The following NCOR2 variants were observed in gnomAD, a reference collection of about 807,000 sequenced individuals.
The protein encoded by NCOR2 is CTG repeat protein 26.
NCOR2 carries 81 observed loss-of-function variants against 262.9 expected under a neutral mutation model. The observed-to-expected ratio is 0.31, with a 90% CI of 0.26 to 0.37. The LOEUF is 0.37. Among genes scored for constraint, NCOR2 ranks in the 10% least tolerant of loss-of-function variants. The pLI, the probability that NCOR2 is intolerant of heterozygous loss-of-function variation, is 1.00. For missense variants in NCOR2, 3,385 were observed against 3,621.4 expected (o/e 0.93, Z 1.68); for synonymous variants, 1,659 against 1,559.3 (o/e 1.06, Z -1.51).
intron 1 of NCOR2, among the ~76,000 whole-genome samples, chr12:124,554,807 G>A (rs1268519692): frequency 6.6e-6 from 1 of 152,264 alleles, no homozygotes; most frequent in Non-Finnish European, 1.5e-5. Flanking sequence ...CGCTACAGCT[G>A]CTATTTATAG....
At chr12:124,354,022 G>A (rs941193894) in intron 27 of NCOR2, 71 bp downstream of exon 29, 107 of 1,360,656 alleles carry the variant, frequency 7.9e-5, no homozygotes, top group Non-Finnish European at 9.9e-5. Flanking sequence ...TGGTGACAAT[G>A]AGGGGTTATA....
chr12:124,334,228 T>C (rs1400798934), intron 41 of NCOR2, 196 bp downstream of exon 43: 1 of 510,332 alleles, frequency 2.0e-6, no homozygotes, highest in South Asian at 2.7e-5. Flanking sequence ...GAGCACAGCA[T>C]GTACTTTCAT....
intron 16 of NCOR2, 54 bp from the exon 19 acceptor site, chr12:124,385,941 G>T: frequency 6.3e-7 from 1 of 1,579,482 alleles, no homozygotes; most frequent in Middle Eastern, 1.7e-4. Flanking sequence ...ACGCAGAGGG[G>T]GCCTGCATCC....
intron 7 of NCOR2, among the ~76,000 whole-genome samples, chr12:124,448,602 C>A (rs1474954717): frequency 6.6e-6 from 1 of 152,080 alleles, no homozygotes; most frequent in Admixed American, 6.5e-5. Flanking sequence ...AGGCCAAGGG[C>A]CTCAACTAGC....
At chr12:124,534,484 C>T (rs2051015618) in intron 1 of NCOR2, among the ~76,000 whole-genome samples, 1 of 151,712 alleles carries the variant, frequency 6.6e-6, no homozygotes, top group Non-Finnish European at 1.5e-5. Flanking sequence ...GTATTATAAT[C>T]TTATGGGACC....
chr12:124,368,173 G>C (rs1231374281), intron 20 of NCOR2, among the ~76,000 whole-genome samples: 1 of 152,262 alleles, frequency 6.6e-6, no homozygotes, highest in Non-Finnish European at 1.5e-5. Context: ...GGCTGTCCGT[G>C]GGTGGGCGTG....
At chr12:124,402,599 G>A (rs1397273305) in intron 13 of NCOR2, 38 bp from the exon 16 acceptor site, 19 of 1,545,914 alleles carry the variant, frequency 1.2e-5, no homozygotes, top group Admixed American at 3.9e-5. Flanking sequence ...GGAGTGGGGA[G>A]GGAAGAAAAC....
At chr12:124,460,894 C>T (rs2046126853) in intron 5 of NCOR2, among the ~76,000 whole-genome samples, 1 of 152,210 alleles carries the variant, frequency 6.6e-6, no homozygotes, top group African/African-American at 2.4e-5. Context: ...CCCTGGCTGC[C>T]CCTGGTCCTG....
intron 23 of NCOR2, 62 bp downstream of exon 25, chr12:124,356,580 A>T (rs2037973435): frequency 1.2e-5 from 16 of 1,324,050 alleles, no homozygotes; most frequent in Non-Finnish European, 1.6e-5. Flanking sequence ...AGCCAGTGCA[A>T]ACAGTGCAAA....
chr12:124,376,718 T>TTA (rs1347025230), intron 18 of NCOR2, among the ~76,000 whole-genome samples: 1 of 152,172 alleles, frequency 6.6e-6, no homozygotes, highest in Non-Finnish European at 1.5e-5. Flanking sequence ...GAGCCTGGAT[T>TTA]TATCTGCAGG....
rs539911514 is a variant in NCOR2, at chr12:124,374,692, T to G, written c.2168-229A>C. ...CCTGCAATAGCCCTGAGCAGGCTGG[T>G]CCAATGGCCTGTTCAAGGCCAGCCA... On this transcript the variant is annotated intron_variant, in intron 18 of 46. Coordinates refer to ENST00000405201, the Ensembl canonical transcript of NCOR2. Among the ~76,000 whole-genome samples the G allele has an allele frequency of 3.9e-5, 6 of 152,340 alleles. No individual in the cohort carries two copies. The East Asian group carries it at 1.2e-3, about 29-fold the overall frequency.
intron 17 of NCOR2, chr12:124,383,403 T>G (rs1017220796): frequency 5.6e-6 from 2 of 354,314 alleles, no homozygotes; most frequent in African/African-American, 4.3e-5. Context: ...TCTGGCTGCA[T>G]GTTCGTCCAC....
rs543517016 is a variant in NCOR2 at position 124,432,446 on chromosome 12, A to G, written c.883-1659T>C. Among the ~76,000 whole-genome samples, 12 of 152,260 alleles carry G rather than the reference A, an allele frequency of 7.9e-5. No individual in the cohort carries two copies. The South Asian group carries it at 2.5e-3, about 32-fold the overall frequency. On this transcript the variant is annotated intron_variant, in intron 8 of 46. Coordinates refer to ENST00000405201, the Ensembl canonical transcript of NCOR2. The surrounding 1 kb of genome is among the most constrained non-coding windows in gnomAD (Gnocchi z 5.1). ...GTGGCTCAACTGAAATCACAAATCCAGTAAAATTTAAGAGTCGGGCTCTAG... is the reference window on the plus strand; with the variant it reads ...GTGGCTCAACTGAAATCACAAATCCGGTAAAATTTAAGAGTCGGGCTCTAG...
chr12:124,460,321 A>T (rs1056795686), intron 5 of NCOR2, among the ~76,000 whole-genome samples: 7 of 152,164 alleles, frequency 4.6e-5, no homozygotes, highest in African/African-American at 1.7e-4. Context: ...CTCTGGGGCA[A>T]AGCATTCTTG....
intron 1 of NCOR2, among the ~76,000 whole-genome samples, chr12:124,515,876 G>A (rs1296026321): frequency 1.3e-5 from 2 of 152,330 alleles, no homozygotes; most frequent in Admixed American, 6.5e-5. Context: ...ATGCTGAGCT[G>A]CCTCGTCACA....
chr12:124,371,337 C>A (rs1424884591), intron 20 of NCOR2, among the ~76,000 whole-genome samples: 1 of 152,134 alleles, frequency 6.6e-6, no homozygotes, highest in Non-Finnish European at 1.5e-5. Context: ...AACTGTGTCC[C>A]CCCAGAGAAG....
rs1202155129 is a variant in NCOR2, at chr12:124,481,933, G to A, written c.411+1663C>T. On this transcript the variant is annotated intron_variant, in intron 3 of 46. Transcript: ENST00000405201. The surrounding 1 kb of genome is among the most constrained non-coding windows in gnomAD (Gnocchi z 4.6). ...TTACTGGAGAGCAATGACGAGCTCAGGCCGGGGGTTGCCTCAGGTGTGGGC... is the reference window on the plus strand; with the variant it reads ...TTACTGGAGAGCAATGACGAGCTCAAGCCGGGGGTTGCCTCAGGTGTGGGC... 4.6e-5 allele frequency among the ~76,000 whole-genome samples: 7 copies of A among 152,134 alleles called. No individual in the cohort carries two copies. The highest frequency in any genetic ancestry group is 1.7e-4 in the African/African-American group (7 of 41,414).
exon 15 of NCOR2, chr12:124,400,523 G>A: frequency 6.2e-7 from 1 of 1,614,078 alleles, no homozygotes. Flanking sequence ...TCTGCTGGGG[G>A]GTGATGGCCT....
intron 12 of NCOR2, among the ~76,000 whole-genome samples, chr12:124,421,691 G>A (rs1340776975): frequency 6.6e-6 from 1 of 152,190 alleles, no homozygotes; most frequent in Non-Finnish European, 1.5e-5. Context: ...GTGATTCAGG[G>A]GAATGCTGCT....
Sources: gnomAD v4.1 joint callset for allele counts (sites outside exome capture counted in the v4.1 genomes callset) on GRCh38, gnomAD v4.1.1 for gene constraint, Gnocchi (gnomAD v3.1) non-coding constraint, MANE v1.5 for transcripts, NCBI Gene and HGNC (gene_info 2026-07-23, HGNC 2026-07-21) for gene names.